The following LYPD1 variants were observed in gnomAD, a reference collection of about 807,000 sequenced individuals.
LYPD1 encodes the protein LY6/PLAUR domain containing 1.
Under a neutral mutation model 14.2 loss-of-function variants are expected in LYPD1, and 14 were observed. The observed-to-expected ratio is 0.99, with a 90% CI of 0.65 to 1.54. LYPD1 has a LOEUF of 1.54. Ranked by LOEUF, LYPD1 falls within the 40% of genes most tolerant of loss-of-function variation. LYPD1 has a pLI of 0.00. For missense variants in LYPD1, 165 were observed against 175.7 expected (o/e 0.94, Z 0.34); for synonymous variants, 85 against 70.6 (o/e 1.20, Z -1.02).
chr2:132,644,690 A>C lies in LYPD1; in HGVS notation c.*1355T>G, dbSNP rs1158590419. 1.3e-5 allele frequency among the ~76,000 whole-genome samples: 2 copies of C among 151,870 alleles called. No homozygotes were observed. The highest frequency in any genetic ancestry group is 1.9e-4 in the East Asian group (1 of 5,180). On this transcript the variant is annotated 3_prime_UTR_variant, in exon 3 of 3. Transcript: ENST00000397463. ...TGCAGACATCCTTTAAAATACAAAC[A>C]CTGCTTTATCTAATGCAGCTATACT...
rs1380042589 is a variant in LYPD1, at chr2:132,670,067, T to G, written c.-135A>C. 6.6e-7 allele frequency: 1 copy of G among 1,515,540 alleles called. No homozygotes were observed. Among genetic ancestry groups the G allele is most frequent in the East Asian group, 2.6e-5 (1 of 39,138 alleles). The allele number at this position is 1,515,540 out of a possible 1,614,324, so 93.9% of individuals were successfully genotyped here. Reference sequence around the variant, plus strand: ...GCTGCTGCCGCGGAGACGACGGTCGTAGCTTAGAGGAGCCGCAGGTGCCGC... The same window carrying G: ...GCTGCTGCCGCGGAGACGACGGTCGGAGCTTAGAGGAGCCGCAGGTGCCGC... On this transcript the variant is annotated 5_prime_UTR_variant, in exon 1 of 3. Transcript: ENST00000397463. The surrounding 1 kb of genome is among the most constrained non-coding windows in gnomAD (Gnocchi z 4.5).
At position 132,645,496 on chromosome 2, in the gene LYPD1, G is replaced by A. The variant is rs1370143653; in HGVS notation, c.*549C>T. 6.2e-7 allele frequency: 1 copy of A among 1,613,658 alleles called. No individual in the cohort carries two copies. On this transcript the variant is annotated 3_prime_UTR_variant, in exon 3 of 3. Transcript: ENST00000397463. ...CTTAAGCACTTTTCAGAGCGAGGCC[G>A]AGCCCCAGTCTAAGTCCCAGTCATT...
chr2:132,661,034 G>A (rs530368656), intron 2 of LYPD1, among the ~76,000 whole-genome samples: 8 of 152,314 alleles, frequency 5.3e-5, no homozygotes, highest in Non-Finnish European at 1.2e-4. Flanking sequence ...ACTCCCTTCT[G>A]CACCACAGTG....
chr2:132,648,107 C>T (rs556440291), intron 2 of LYPD1, among the ~76,000 whole-genome samples: 4 of 152,318 alleles, frequency 2.6e-5, no homozygotes, highest in South Asian at 4.1e-4. Flanking sequence ...CTAAGGAATA[C>T]ACTTCAGGGA....
At chr2:132,671,411 GCT>G (rs900646275), upstream of LYPD1, 3 of 152,462 alleles carry the variant, frequency 2.0e-5, no homozygotes, top group African/African-American at 4.8e-5. Flanking sequence ...TCTGGGGGCA[GCT>G]CTCTCACGCC....
intron 2 of LYPD1, among the ~76,000 whole-genome samples, chr2:132,655,118 A>G (rs1573734328): frequency 6.6e-6 from 1 of 152,126 alleles, no homozygotes; most frequent in Non-Finnish European, 1.5e-5. Flanking sequence ...GACTGGGCAC[A>G]CGCTGCTTAT....
In LYPD1 at chr2:132,669,999, C is replaced by T. The variant is rs751743563; in HGVS notation, c.-67G>A. On this transcript the variant is annotated 5_prime_UTR_variant, in exon 1 of 3. Transcript: ENST00000397463. This position sits in a 1 kb window ranked among gnomAD's most constrained non-coding sequence, Gnocchi z 4.3. ...AGGAGGCGACAGCAGCGGAGGCTGC[C>T]CCGGCTGCAGCGGCTGTGGCTGCCG... The T allele has an allele frequency of 1.5e-4, 233 of 1,589,098 alleles. No individual in the cohort carries two copies. Among genetic ancestry groups the T allele is most frequent in the Non-Finnish European group, 1.9e-4 (219 of 1,173,000 alleles).
At chr2:132,668,821 AAGGG>A (rs915303642) in intron 1 of LYPD1, among the ~76,000 whole-genome samples, 2 of 152,140 alleles carry the variant, frequency 1.3e-5, no homozygotes, top group Non-Finnish European at 2.9e-5. Context: ...CAAGAAGTTG[AAGGG>A]AGGGTGGGGA....
intron 2 of LYPD1, among the ~76,000 whole-genome samples, chr2:132,648,879 C>G (rs1403086471): frequency 1.3e-5 from 2 of 152,068 alleles, no homozygotes; most frequent in Admixed American, 1.3e-4. Flanking sequence ...CATTGCCAGG[C>G]TGGCCGCTCC....
intron 2 of LYPD1, among the ~76,000 whole-genome samples, 155 bp downstream of exon 2, chr2:132,668,245 T>C (rs1683396777): frequency 6.6e-6 from 1 of 152,218 alleles, no homozygotes; most frequent in African/African-American, 2.4e-5. Context: ...AACTTGGAAC[T>C]CTTCATTTTC....
rs762327286 is a variant in LYPD1, at chr2:132,646,024, G to T, written c.*21C>A. 7.3e-6 allele frequency: 11 copies of T among 1,502,416 alleles called. No individual in the cohort carries two copies. The allele number at this position is 1,502,416 out of a possible 1,614,324, so 93.1% of individuals were successfully genotyped here. A position where few individuals can be genotyped will look rare whatever the true frequency, so the allele number is the denominator to read the frequency against. On this transcript the variant is annotated 3_prime_UTR_variant, in exon 3 of 3. Coordinates refer to ENST00000397463, the MANE Select transcript of LYPD1 (RefSeq NM_144586.7). ...GAGGGCTGGAAGAACAATGCAGGAG[G>T]GGGTGGCATCTCCTTCAGCTTCAGC... is the stretch of plus-strand genomic sequence containing the variant.
chr2:132,657,850 CCT>C (rs1310571835), intron 2 of LYPD1, among the ~76,000 whole-genome samples: 1 of 152,006 alleles, frequency 6.6e-6, no homozygotes, highest in East Asian at 1.9e-4. Context: ...AAAAATTATC[CCT>C]GTCCTTTTTC....
chr2:132,656,146 C>T (rs1418121458), intron 2 of LYPD1, among the ~76,000 whole-genome samples: 1 of 152,208 alleles, frequency 6.6e-6, no homozygotes, highest in East Asian at 1.9e-4. Context: ...TTCTGTGGAC[C>T]ATTATGCATC....
At chr2:132,646,420 G>C (rs1463058924) in intron 2 of LYPD1, 140 bp from the exon 3 acceptor site, 3 of 448,366 alleles carry the variant, frequency 6.7e-6, no homozygotes, top group East Asian at 7.1e-5. Flanking sequence ...GAAGTGCTTC[G>C]GATTGTCTCA....
At position 132,669,020 on chromosome 2, in the gene LYPD1, G is replaced by A. The variant is rs1683460902; in HGVS notation, c.53-483C>T. Among the ~76,000 whole-genome samples, 1 of 152,212 alleles carries A rather than the reference G, an allele frequency of 6.6e-6. No individual in the cohort carries two copies. Among genetic ancestry groups the A allele is most frequent in the Non-Finnish European group, 1.5e-5 (1 of 68,044 alleles). ...TAATTTTTAAAGTCAGCGTTTCTGT[G>A]CCAGGGCTCTGAGGATCCCTGAGCG... is the stretch of plus-strand genomic sequence containing the variant. On this transcript the variant is annotated intron_variant, in intron 1 of 2. Transcript: ENST00000397463. This position sits in a 1 kb window ranked among gnomAD's most constrained non-coding sequence, Gnocchi z 4.3.
At chr2:132,662,563 T>TAGGAAGGA (rs888288970) in intron 2 of LYPD1, among the ~76,000 whole-genome samples, 2 of 119,114 alleles carry the variant, frequency 1.7e-5, no homozygotes, top group South Asian at 2.6e-4. Flanking sequence ...GTTGGTCAAT[T>TAGGAAGGA]AGGAAGGAAG....
At chr2:132,658,538 A>G (rs187467900) in intron 2 of LYPD1, among the ~76,000 whole-genome samples, 4 of 152,184 alleles carry the variant, frequency 2.6e-5, no homozygotes, top group Non-Finnish European at 5.9e-5. Flanking sequence ...TGTCAATATC[A>G]TGACAGTGAT....
intron 2 of LYPD1, among the ~76,000 whole-genome samples, chr2:132,650,244 A>G (rs1331876000): frequency 6.6e-6 from 1 of 152,222 alleles, no homozygotes; most frequent in Non-Finnish European, 1.5e-5. Flanking sequence ...GAAGAATGCA[A>G]ATTAAAACTA....
intron 2 of LYPD1, among the ~76,000 whole-genome samples, chr2:132,665,111 C>A (rs1209535668): frequency 5.3e-5 from 8 of 152,164 alleles, no homozygotes; most frequent in Non-Finnish European, 2.9e-5. Flanking sequence ...ATAATAATCT[C>A]AGCACATAAT....
Sources: gnomAD v4.1 joint callset for allele counts (sites outside exome capture counted in the v4.1 genomes callset) on GRCh38, gnomAD v4.1.1 for gene constraint, Gnocchi (gnomAD v3.1) non-coding constraint, MANE v1.5 for transcripts, NCBI Gene and HGNC (gene_info 2026-07-23, HGNC 2026-07-21) for gene names.